The following CLVS1 variants were observed in gnomAD, a reference collection of about 807,000 sequenced individuals.
CLVS1 encodes the protein clavesin 1, also known as clavesin-1.
CLVS1 carries 10 observed loss-of-function variants against 33.1 expected under a neutral mutation model. That is an observed-to-expected ratio of 0.30 (90% CI 0.19 to 0.51). The LOEUF is 0.51. Among genes scored for constraint, CLVS1 ranks in the 20% least tolerant of loss-of-function variants. The probability of loss-of-function intolerance (pLI) is 0.97; values close to 1 mark genes in which losing one functional copy is unlikely to be tolerated. For synonymous variants in CLVS1, 163 were observed against 166.1 expected (o/e 0.98, Z 0.14); for missense variants, 343 against 433.4 (o/e 0.79, Z 1.85).
At chr8:61,168,780 G>A (rs1373103564) in intron 2 of CLVS1, among the ~76,000 whole-genome samples, 2 of 152,144 alleles carry the variant, frequency 1.3e-5, no homozygotes, top group African/African-American at 4.8e-5. Context: ...TATATTGACA[G>A]CCTTTATGAC....
At chr8:60,991,461 T>TG in the CLVS1 span, among the ~76,000 whole-genome samples, 1 of 152,210 alleles carries the variant, frequency 6.6e-6, no homozygotes, top group Admixed American at 6.5e-5. Context: ...AAATTTAAAG[T>TG]GAAAAATACT....
the CLVS1 span, among the ~76,000 whole-genome samples, chr8:61,035,508 C>T: frequency 6.6e-6 from 1 of 152,068 alleles, no homozygotes; most frequent in African/African-American, 2.4e-5. Flanking sequence ...TTCTTGTGGC[C>T]GGCCCCGGGC....
Position 61,499,835 on chromosome 8 carries a change from T to TAA in CLVS1, c.*295_*296dup, listed in dbSNP as rs1804504142. 1 of 231,528 alleles carries TAA rather than the reference T, an allele frequency of 4.3e-6. No individual in the cohort carries two copies. The highest frequency in any genetic ancestry group is 8.1e-5 in the East Asian group (1 of 12,372). 14.3% of individuals were successfully genotyped at this position (231,528 alleles called of 1,614,324 possible). A position where few individuals can be genotyped will look rare whatever the true frequency, so the allele number is the denominator to read the frequency against. ...TATTTATTGTAGTAAATTGAAAAAA[T>TAA]AAAGACTAAATTTGATGGACACACT... is the stretch of plus-strand genomic sequence containing the variant. On this transcript the variant is annotated 3_prime_UTR_variant, in exon 6 of 6. Coordinates refer to ENST00000325897, the MANE Select transcript of CLVS1 (RefSeq NM_173519.3).
chr8:61,175,594 G>T (rs1019869860), intron 2 of CLVS1, among the ~76,000 whole-genome samples: 10 of 152,188 alleles, frequency 6.6e-5, no homozygotes, highest in Non-Finnish European at 1.5e-4. Context: ...GATGACTAGT[G>T]TCCTTATAAG....
chr8:61,439,504 GTGGTTTACCTCCTCACTCATCTCACC>G, intron 3 of CLVS1, among the ~76,000 whole-genome samples: 1 of 152,294 alleles, frequency 6.6e-6, no homozygotes, highest in South Asian at 2.1e-4. Flanking sequence ...AGCTCTAGCA[GTGGTTTACCTCCTCACTCATCTCACC>G]TGGGCAGCAA....
chr8:61,182,124 C>A (rs776837306), intron 2 of CLVS1, among the ~76,000 whole-genome samples: 2 of 152,046 alleles, frequency 1.3e-5, no homozygotes. Context: ...AACTGCCTAG[C>A]CATATGCAGA....
At chr8:61,461,462 C>A (rs889468135) in intron 5 of CLVS1, among the ~76,000 whole-genome samples, 3 of 152,162 alleles carry the variant, frequency 2.0e-5, no homozygotes, top group Admixed American at 6.5e-5. Flanking sequence ...TGTGTTCAGA[C>A]ATGCTATAAC....
intron 2 of CLVS1, among the ~76,000 whole-genome samples, chr8:61,277,208 T>C (rs555529254): frequency 1.3e-5 from 2 of 152,182 alleles, no homozygotes; most frequent in African/African-American, 4.8e-5. Context: ...GCCCTCACCC[T>C]GTGCATAGCA....
Position 61,488,394 on chromosome 8 carries a change from C to T in CLVS1, c.978-11061C>T, listed in dbSNP as rs1019411716. On this transcript the variant is annotated intron_variant, in intron 5 of 5. Coordinates refer to ENST00000325897, the MANE Select transcript of CLVS1 (RefSeq NM_173519.3). Reference sequence around the variant, plus strand: ...AAGCTATGAGGGTGACTCTGTTTAACGGAATTTTTTTGTTGAATTGCTCAG... The same window carrying T: ...AAGCTATGAGGGTGACTCTGTTTAATGGAATTTTTTTGTTGAATTGCTCAG... 8.5e-5 allele frequency among the ~76,000 whole-genome samples: 13 copies of T among 152,204 alleles called. No individual in the cohort carries two copies. In the South Asian group the frequency reaches 1.0e-3, roughly 12 times the overall value.
Position 61,251,229 on chromosome 8 carries a change from G to C in CLVS1, c.-151-48448G>C, listed in dbSNP as rs140400688. Among the ~76,000 whole-genome samples, 1,190 of 152,244 alleles carry C rather than the reference G, an allele frequency of 7.8e-3. 16 individuals are homozygous for C. The highest frequency in any genetic ancestry group is 0.025 in the African/African-American group (1,051 of 41,552). ...TGATGGGTTATGTTTATTGATTTGT[G>C]TATGTTGAACCAGCCTTGCATCCCA... On this transcript the variant is annotated intron_variant, in intron 2 of 2. Coordinates refer to the CLVS1 transcript ENST00000522621.
intron 2 of CLVS1, among the ~76,000 whole-genome samples, chr8:61,159,221 T>C (rs937551761): frequency 6.6e-6 from 1 of 152,218 alleles, no homozygotes; most frequent in Admixed American, 6.5e-5. Flanking sequence ...CAAGTGACAT[T>C]GTTGGGCAGA....
Position 61,493,008 on chromosome 8 carries a change from G to A in CLVS1, c.978-6447G>A, listed in dbSNP as rs552934580. ...ATGCATTATAGTAGAAAGAAACGTC[G>A]TAGCTTTACACAGTTGAAAACAACC... On this transcript the variant is annotated intron_variant, in intron 5 of 5. Coordinates refer to ENST00000325897, the MANE Select transcript of CLVS1 (RefSeq NM_173519.3). Among the ~76,000 whole-genome samples the A allele has an allele frequency of 1.8e-4, 27 of 152,292 alleles. No individual in the cohort carries two copies. The South Asian group carries it at 4.6e-3, about 26-fold the overall frequency.
intron 1 of CLVS1, among the ~76,000 whole-genome samples, chr8:61,111,736 G>A (rs968638673): frequency 6.6e-6 from 1 of 151,092 alleles, no homozygotes; most frequent in Non-Finnish European, 1.5e-5. Context: ...TTTGAATATA[G>A]GAGAACAAGG....
the CLVS1 span, among the ~76,000 whole-genome samples, chr8:60,986,357 G>A: frequency 6.6e-5 from 10 of 152,350 alleles, no homozygotes; most frequent in African/African-American, 2.4e-4. Flanking sequence ...TTTGCTGATC[G>A]GATGGCTGTT....
chr8:61,149,387 A>G (rs1297442758), intron 2 of CLVS1, among the ~76,000 whole-genome samples: 1 of 151,976 alleles, frequency 6.6e-6, no homozygotes, highest in Non-Finnish European at 1.5e-5. Flanking sequence ...CCCCATCTCT[A>G]CTAAAAATAC....
intron 2 of CLVS1, among the ~76,000 whole-genome samples, chr8:61,141,583 C>T (rs942969588): frequency 4.6e-5 from 7 of 152,152 alleles, no homozygotes; most frequent in Admixed American, 3.3e-4. Flanking sequence ...GAGATGAATA[C>T]ATAAAAATAG....
At chr8:61,160,097 A>G (rs1806724796) in intron 2 of CLVS1, among the ~76,000 whole-genome samples, 1 of 152,202 alleles carries the variant, frequency 6.6e-6, no homozygotes, top group Non-Finnish European at 1.5e-5. Flanking sequence ...CTCTGGCCTG[A>G]GCTTCTCTGC....
chr8:61,155,895 G>A (rs1806638311), intron 2 of CLVS1, among the ~76,000 whole-genome samples: 1 of 152,152 alleles, frequency 6.6e-6, no homozygotes. Flanking sequence ...TCCTCCCTGA[G>A]GGATGTCATC....
chr8:61,226,016 C>A (rs796987669), intron 2 of CLVS1, among the ~76,000 whole-genome samples: 13 of 152,308 alleles, frequency 8.5e-5, no homozygotes, highest in African/African-American at 2.6e-4. Context: ...GTTACCATGG[C>A]AAAGTCATCT....
Sources: allele counts gnomAD v4.1 joint callset (sites outside exome capture counted in the v4.1 genomes callset), GRCh38; gene constraint gnomAD v4.1.1; transcripts MANE v1.5; gene names NCBI Gene and HGNC (gene_info 2026-07-23, HGNC 2026-07-21).